Variants in PAN3 observed in about 807,000 individuals in gnomAD.
The protein encoded by PAN3 is PAN2-PAN3 deadenylation complex subunit PAN3.
PAN3 carries 19 observed loss-of-function variants against 96.2 expected under a neutral mutation model. The ratio of observed to expected loss-of-function variants is 0.20; its 90% CI spans 0.14 to 0.29. The LOEUF (loss-of-function observed/expected upper bound fraction) is 0.29. Ranked by LOEUF, PAN3 falls within the 10% of genes least tolerant of loss-of-function variation. The pLI is 1.00. For missense variants in PAN3, 882 were observed against 1,108.1 expected (o/e 0.80, Z 2.90); for synonymous variants, 433 against 406.6 (o/e 1.06, Z -0.78).
intron 14 of PAN3, among the ~76,000 whole-genome samples, chr13:28,274,509 A>G (rs1346975100): frequency 6.6e-6 from 1 of 151,572 alleles, no homozygotes; most frequent in Admixed American, 6.6e-5. Flanking sequence ...AAAAAAAAAA[A>G]CTGCACACGC....
At chr13:28,194,464 A>ATTTTTT (rs1297200533) in intron 4 of PAN3, among the ~76,000 whole-genome samples, 1 of 106,702 alleles carries the variant, frequency 9.4e-6, no homozygotes, top group African/African-American at 4.6e-5. Context: ...ATATATATAT[A>ATTTTTT]TATTTTTTTT....
intron 5 of PAN3, among the ~76,000 whole-genome samples, chr13:28,202,409 T>C (rs536241138): frequency 1.8e-3 from 273 of 152,350 alleles, no homozygotes; most frequent in African/African-American, 6.2e-3. Flanking sequence ...GAATAATTTT[T>C]GTCAATTTTT....
At chr13:28,213,579 A>G (rs577920471) in intron 5 of PAN3, among the ~76,000 whole-genome samples, 1 of 152,134 alleles carries the variant, frequency 6.6e-6, no homozygotes, top group South Asian at 2.1e-4. Context: ...TTATTGCACC[A>G]GTGTTTACTG....
chr13:28,153,319 T>C (rs1714807879), intron 1 of PAN3, among the ~76,000 whole-genome samples: 1 of 135,694 alleles, frequency 7.4e-6, no homozygotes. Flanking sequence ...CACTGTAACC[T>C]CAGCATCCTG....
intron 18 of PAN3, among the ~76,000 whole-genome samples, chr13:28,291,691 C>T (rs1306342583): frequency 1.3e-5 from 2 of 151,944 alleles, no homozygotes; most frequent in African/African-American, 4.8e-5. Context: ...ATTAGCTGGG[C>T]GTGGTGGCAG....
intron 5 of PAN3, among the ~76,000 whole-genome samples, chr13:28,202,856 GC>G (rs1878902829): frequency 6.6e-6 from 1 of 152,202 alleles, no homozygotes; most frequent in Middle Eastern, 3.4e-3. Flanking sequence ...AAAAGTAATT[GC>G]GGTTTTGCCA....
chr13:28,290,711 A>G (rs548270572), intron 18 of PAN3, among the ~76,000 whole-genome samples: 1 of 152,322 alleles, frequency 6.6e-6, no homozygotes, highest in South Asian at 2.1e-4. Flanking sequence ...GCACAAGACT[A>G]TATGTATCAT....
Position 28,261,373 on chromosome 13 carries a change from A to G in PAN3, c.1354-28A>G, listed in dbSNP as rs376951796. On this transcript the variant is annotated intron_variant, in intron 8 of 18. Transcript: ENST00000380958. ...TCCAGGTTTCAGAATCTGTGTTTAAATAAAAATATACTTATTTTGTTTCAT... is the reference window on the plus strand; with the variant it reads ...TCCAGGTTTCAGAATCTGTGTTTAAGTAAAAATATACTTATTTTGTTTCAT... 156 of 1,403,254 alleles carry G rather than the reference A, an allele frequency of 1.1e-4. No homozygotes were observed. In the African/African-American group the frequency reaches 3.3e-3, roughly 30 times the overall value. The allele number at this position is 1,403,254 out of a possible 1,614,324, so 86.9% of individuals were successfully genotyped here.
intron 4 of PAN3, among the ~76,000 whole-genome samples, chr13:28,190,766 A>C (rs1042776265): frequency 1.3e-5 from 2 of 152,214 alleles, no homozygotes; most frequent in Non-Finnish European, 2.9e-5. Context: ...TATCACGAGA[A>C]TAGCACGGGG....
At chr13:28,282,875 G>GGTTT (rs1256566494) in intron 17 of PAN3, among the ~76,000 whole-genome samples, 5 of 146,252 alleles carry the variant, frequency 3.4e-5, no homozygotes, top group East Asian at 4.5e-4. Flanking sequence ...TTTATTCCTT[G>GGTTT]GTTTGTTTAT....
At chr13:28,282,245 G>A (rs1006849371) in intron 17 of PAN3, among the ~76,000 whole-genome samples, 51 of 151,628 alleles carry the variant, frequency 3.4e-4, no homozygotes, top group African/African-American at 1.1e-3. Context: ...AACAGAATTT[G>A]CAATTACTAT....
At chr13:28,260,226 G>T (rs1039042889) in intron 7 of PAN3, among the ~76,000 whole-genome samples, 1 of 151,924 alleles carries the variant, frequency 6.6e-6, no homozygotes. Flanking sequence ...GTGAAACCCT[G>T]TCTCTACAAA....
At chr13:28,249,517 C>T (rs71433261) in intron 6 of PAN3, among the ~76,000 whole-genome samples, 94 of 152,032 alleles carry the variant, frequency 6.2e-4, no homozygotes, top group African/African-American at 2.2e-3. Context: ...GGCGTGACCT[C>T]GGCTCACCAC....
intron 8 of PAN3, 112 bp downstream of exon 8, chr13:28,260,663 T>TA: frequency 1.2e-6 from 1 of 833,600 alleles, no homozygotes; most frequent in Non-Finnish European, 1.9e-6. Flanking sequence ...TATGCTCTAG[T>TA]AAAGCACATC....
At chr13:28,186,721 A>G (rs1269650798) in intron 4 of PAN3, among the ~76,000 whole-genome samples, 1 of 152,136 alleles carries the variant, frequency 6.6e-6, no homozygotes, top group South Asian at 2.1e-4. Flanking sequence ...TGACAGCTAC[A>G]TGGGAGACTG....
rs1420415512 is a variant in PAN3, at chr13:28,270,720, G to A, written c.1812G>A (p.Leu604=). ...KRKWGQHEGP[L]PRQHAGLLPE... is the part of the protein sequence containing the mutation. ...GTATAGGTCAGCACGAGGGACCATT[G>A]CCCAGGCAGCATGCTGGATTATTGC... Residue 604 remains leucine, a synonymous_variant, in exon 13 of 19, where the codon TTG becomes TTA. Coordinates refer to ENST00000380958, the MANE Select transcript of PAN3 (RefSeq NM_175854.8). The A allele has an allele frequency of 6.2e-7, 1 of 1,613,826 alleles. No homozygotes were observed.
intron 14 of PAN3, 94 bp from the exon 15 acceptor site, chr13:28,277,143 A>C: frequency 8.0e-7 from 1 of 1,256,288 alleles, no homozygotes; most frequent in Non-Finnish European, 1.1e-6. Context: ...GCTTATTTAT[A>C]ATGATGCTTT....
At chr13:28,250,375 AT>A (rs994953108) in intron 6 of PAN3, among the ~76,000 whole-genome samples, 9 of 150,648 alleles carry the variant, frequency 6.0e-5, no homozygotes, top group Non-Finnish European at 1.0e-4. Context: ...ATTTAATTTA[AT>A]TTTTTTTTGA....
At position 28,277,283 on chromosome 13, in the gene PAN3, G is replaced by C; in HGVS notation, c.2096G>C (p.Cys699Ser). The C allele has an allele frequency of 6.2e-7, 1 of 1,613,478 alleles. No homozygotes were observed. The highest frequency in any genetic ancestry group is 8.5e-7 in the Non-Finnish European group (1 of 1,179,598). ...GGAAAAGTTGTGTTGGCTTTGGCTT[G>C]CAACTCTTTGGCAGGAATTCAGCGA... is the stretch of plus-strand genomic sequence containing the variant. ...SLGKVVLALA[C>S]NSLAGIQREN... Residue 699 changes from cysteine to serine, a missense_variant, in exon 15 of 19, where the codon TGC becomes TCC. Coordinates refer to ENST00000380958, the MANE Select transcript of PAN3 (RefSeq NM_175854.8).
Sources: gnomAD v4.1 joint callset for allele counts (sites outside exome capture counted in the v4.1 genomes callset) on GRCh38, gnomAD v4.1.1 for gene constraint, MANE v1.5 for transcripts, NCBI Gene and HGNC (gene_info 2026-07-23, HGNC 2026-07-21) for gene names.